The following ST6GALNAC3 variants were observed in gnomAD, a reference collection of about 807,000 sequenced individuals.
ST6GALNAC3 encodes ST6 N-acetylgalactosaminide alpha-2,6-sialyltransferase 3.
In ST6GALNAC3, 25 loss-of-function variants were observed where a neutral mutation model predicts 32.7. The observed-to-expected ratio is 0.76, with a 90% CI of 0.56 to 1.07. The LOEUF (loss-of-function observed/expected upper bound fraction) is 1.07. Among genes scored for constraint, ST6GALNAC3 ranks in the 50% least tolerant of loss-of-function variants. The pLI, the probability that ST6GALNAC3 is intolerant of heterozygous loss-of-function variation, is 0.00. For missense variants in ST6GALNAC3, 355 were observed against 382.4 expected (o/e 0.93, Z 0.60); for synonymous variants, 129 against 133.1 (o/e 0.97, Z 0.21).
Position 76,269,755 on chromosome 1 carries a change from G to T in ST6GALNAC3, c.19-44050G>T, listed in dbSNP as rs530836513. 4.6e-5 allele frequency among the ~76,000 whole-genome samples: 7 copies of T among 152,288 alleles called. No individual in the cohort carries two copies. The South Asian group carries it at 8.3e-4, about 18-fold the overall frequency. On this transcript the variant is annotated intron_variant, in intron 1 of 4. Coordinates refer to ENST00000328299, the MANE Select transcript of ST6GALNAC3 (RefSeq NM_152996.4). ...TGAAAAGACTGGAAAAAAGAAAACT[G>T]GTTGTCTAGTTATCTGAAGACCCTG...
intron 3 of ST6GALNAC3, among the ~76,000 whole-genome samples, chr1:76,515,652 TTC>T (rs1410165621): frequency 4.6e-5 from 7 of 152,182 alleles, no homozygotes; most frequent in Admixed American, 2.0e-4. Context: ...AAATTTCCCT[TTC>T]GTCTACTTAC....
chr1:76,290,438 T>G (rs560714404), intron 1 of ST6GALNAC3, among the ~76,000 whole-genome samples: 26 of 152,236 alleles, frequency 1.7e-4, no homozygotes, highest in Non-Finnish European at 2.8e-4. Flanking sequence ...TACCTCATTA[T>G]TTATTTAGCC....
At chr1:76,141,342 G>T (rs892834470) in intron 1 of ST6GALNAC3, among the ~76,000 whole-genome samples, 1 of 152,102 alleles carries the variant, frequency 6.6e-6, no homozygotes, top group African/African-American at 2.4e-5. Context: ...ATCTTCCCTG[G>T]GTCAGGCTAA....
At chr1:76,077,997 T>G (rs1447925403) in intron 1 of ST6GALNAC3, among the ~76,000 whole-genome samples, 1 of 152,140 alleles carries the variant, frequency 6.6e-6, no homozygotes, top group Non-Finnish European at 1.5e-5. Flanking sequence ...ACTACATAGG[T>G]CCATGGAGGG....
chr1:76,285,662 A>G (rs1239756759), intron 1 of ST6GALNAC3, among the ~76,000 whole-genome samples: 1 of 152,182 alleles, frequency 6.6e-6, no homozygotes. Flanking sequence ...TGAGGGCAGA[A>G]GTGACTAGGG....
intron 3 of ST6GALNAC3, among the ~76,000 whole-genome samples, chr1:76,580,127 T>A (rs906085329): frequency 3.3e-5 from 5 of 152,192 alleles, no homozygotes; most frequent in Admixed American, 3.3e-4. Flanking sequence ...ACAGTATCCC[T>A]CGGTACTCAA....
chr1:76,431,059 A>T (rs527304982), intron 3 of ST6GALNAC3, among the ~76,000 whole-genome samples: 1 of 152,242 alleles, frequency 6.6e-6, no homozygotes, highest in South Asian at 2.1e-4. Context: ...GATTCCTGTG[A>T]TGCAGAGATC....
intron 3 of ST6GALNAC3, among the ~76,000 whole-genome samples, chr1:76,591,377 A>G (rs964837785): frequency 6.6e-6 from 1 of 152,098 alleles, no homozygotes; most frequent in African/African-American, 2.4e-5. Flanking sequence ...TTGATTCAAA[A>G]GTCTGGGGAA....
At chr1:76,480,977 A>C (rs1017723166) in intron 3 of ST6GALNAC3, among the ~76,000 whole-genome samples, 1 of 152,096 alleles carries the variant, frequency 6.6e-6, no homozygotes, top group Non-Finnish European at 1.5e-5. Context: ...TTTGTAAGGG[A>C]CAGAGTTGTA....
At chr1:76,186,313 T>C (rs1241306298) in intron 1 of ST6GALNAC3, among the ~76,000 whole-genome samples, 1 of 152,200 alleles carries the variant, frequency 6.6e-6, no homozygotes, top group Non-Finnish European at 1.5e-5. Context: ...TCTTTGAGCA[T>C]ATGGAATGTC....
At chr1:76,262,952 G>T (rs1169857535) in intron 1 of ST6GALNAC3, among the ~76,000 whole-genome samples, 2 of 152,136 alleles carry the variant, frequency 1.3e-5, no homozygotes, top group Non-Finnish European at 2.9e-5. Flanking sequence ...GCCCAGGGTT[G>T]TGTGGTGACC....
At chr1:76,080,296 AT>A (rs5775322) in intron 1 of ST6GALNAC3, among the ~76,000 whole-genome samples, 31,475 of 151,690 alleles carry the variant, frequency 0.21, 3,471 homozygotes, top group Middle Eastern at 0.39. Context: ...GGTGTTATTA[AT>A]TTTTTTTTAT....
At chr1:76,198,965 C>A (rs1654370488) in intron 1 of ST6GALNAC3, among the ~76,000 whole-genome samples, 1 of 151,968 alleles carries the variant, frequency 6.6e-6, no homozygotes, top group East Asian at 1.9e-4. Context: ...TAGATCATGG[C>A]AAGAGGTGGA....
At chr1:76,566,486 A>T (rs1196288825) in intron 3 of ST6GALNAC3, among the ~76,000 whole-genome samples, 1 of 151,934 alleles carries the variant, frequency 6.6e-6, no homozygotes, top group Non-Finnish European at 1.5e-5. Flanking sequence ...CAGCATCTTC[A>T]CTGTCCCTCT....
intron 3 of ST6GALNAC3, among the ~76,000 whole-genome samples, chr1:76,416,034 AAC>A (rs60710007): frequency 0.18 from 25,474 of 144,136 alleles, 2,296 homozygotes; most frequent in East Asian, 0.31. Context: ...TTTATTCCAC[AAC>A]ACACACACAC....
At chr1:76,529,148 T>C (rs1033354047) in intron 3 of ST6GALNAC3, among the ~76,000 whole-genome samples, 12 of 152,116 alleles carry the variant, frequency 7.9e-5, no homozygotes, top group African/African-American at 7.2e-5. Context: ...ATATGAATAT[T>C]GTATGCTGAA....
chr1:76,536,894 C>T (rs1663645103), intron 3 of ST6GALNAC3, among the ~76,000 whole-genome samples: 1 of 152,082 alleles, frequency 6.6e-6, no homozygotes, highest in African/African-American at 2.4e-5. Flanking sequence ...TAGTGGGAGA[C>T]TTTTACACCC....
chr1:76,131,038 T>G (rs1649574487), intron 1 of ST6GALNAC3, among the ~76,000 whole-genome samples: 1 of 152,234 alleles, frequency 6.6e-6, no homozygotes, highest in South Asian at 2.1e-4. Context: ...GCCAGAAGGA[T>G]ACCCAGATGG....
At position 76,412,096 on chromosome 1, in the gene ST6GALNAC3, C is replaced by T; in HGVS notation, c.302C>T (p.Ser101Phe). Residue 101 changes from serine (S) to phenylalanine (F), a missense_variant, in exon 3 of 5, where the codon TCC becomes TTC. Ser to Phe is a radical substitution (Grantham distance 155, BLOSUM62 -2). Transcript: ENST00000328299. ...GQKVGNEIDR[S>F]SCIWRMNNAP... is the part of the protein sequence containing the mutation. Reference sequence around the variant, plus strand: ...AAGGTGGGAAATGAGATAGATCGATCCTCCTGCATTTGGAGAATGAACAAT... The same window carrying T: ...AAGGTGGGAAATGAGATAGATCGATTCTCCTGCATTTGGAGAATGAACAAT... 1.2e-6 allele frequency: 2 copies of T among 1,613,562 alleles called. No homozygotes were observed.
Sources: allele counts gnomAD v4.1 joint callset (sites outside exome capture counted in the v4.1 genomes callset), GRCh38; gene constraint gnomAD v4.1.1; transcripts MANE v1.5; gene names NCBI Gene and HGNC (gene_info 2026-07-23, HGNC 2026-07-21).